The following SLC2A14 variants were observed in gnomAD, a reference collection of about 807,000 sequenced individuals.
The protein encoded by SLC2A14 is solute carrier family 2, facilitated glucose transporter member 14.
Under a neutral mutation model 43.0 loss-of-function variants are expected in SLC2A14, and 13 were observed. That is an observed-to-expected ratio of 0.30 (90% CI 0.20 to 0.48). The LOEUF (loss-of-function observed/expected upper bound fraction) is 0.48. Ranked by LOEUF, SLC2A14 falls within the 20% of genes least tolerant of loss-of-function variation. The probability of loss-of-function intolerance (pLI) is 0.99; values close to 1 mark genes in which losing one functional copy is unlikely to be tolerated. For synonymous variants in SLC2A14, 190 were observed against 233.8 expected (o/e 0.81, Z 1.71); for missense variants, 428 against 620.4 (o/e 0.69, Z 3.29).
intron 1 of SLC2A14, among the ~76,000 whole-genome samples, chr12:7,888,922 C>T (rs1303896707): frequency 6.6e-6 from 1 of 152,044 alleles, no homozygotes; most frequent in Non-Finnish European, 1.5e-5. Context: ...GGTCTCTGGA[C>T]TCTAATTTCC....
chr12:7,834,687 C>T (rs773416069), intron 2 of SLC2A14, among the ~76,000 whole-genome samples: 1 of 151,156 alleles, frequency 6.6e-6, no homozygotes, highest in African/African-American at 2.4e-5. Context: ...AGCTATGCAG[C>T]CTGGGCAACA....
intron 2 of SLC2A14, among the ~76,000 whole-genome samples, chr12:7,841,521 A>G (rs1328649099): frequency 1.3e-5 from 2 of 152,170 alleles, no homozygotes; most frequent in Non-Finnish European, 2.9e-5. Flanking sequence ...TTGGCCTTCC[A>G]AAGTGCTAGG....
intron 2 of SLC2A14, among the ~76,000 whole-genome samples, chr12:7,848,609 G>A (rs768572454): frequency 2.7e-5 from 4 of 150,764 alleles, no homozygotes; most frequent in Admixed American, 6.6e-5. Flanking sequence ...AGGCTGGAGT[G>A]CAATGGCGCA....
intron 2 of SLC2A14, among the ~76,000 whole-genome samples, chr12:7,837,123 C>T (rs761727153): frequency 5.3e-5 from 8 of 149,934 alleles, no homozygotes; most frequent in Non-Finnish European, 1.0e-4. Flanking sequence ...GCCAAAATCA[C>T]GCCACTGCAC....
chr12:7,876,262 C>T (rs1464561788), upstream of SLC2A14, among the ~76,000 whole-genome samples: 1 of 104,352 alleles, frequency 9.6e-6, no homozygotes, highest in African/African-American at 3.8e-5. Flanking sequence ...GCCTGGGTGA[C>T]AGAGCAAAAC....
chr12:7,840,482 C>T (rs1417515216), intron 2 of SLC2A14, among the ~76,000 whole-genome samples: 4 of 152,020 alleles, frequency 2.6e-5, no homozygotes, highest in African/African-American at 9.7e-5. Context: ...TGGGTTCAAG[C>T]GATTCTCCTG....
intron 2 of SLC2A14, among the ~76,000 whole-genome samples, chr12:7,835,502 T>C (rs1865376593): frequency 6.6e-6 from 1 of 152,246 alleles, no homozygotes; most frequent in South Asian, 2.1e-4. Flanking sequence ...ATCTGCAGAA[T>C]GTAAATTTCA....
chr12:7,844,542 C>T, intron 2 of SLC2A14, among the ~76,000 whole-genome samples: 1 of 107,390 alleles, frequency 9.3e-6, no homozygotes, highest in East Asian at 2.5e-4. Flanking sequence ...ATAGTAAACT[C>T]CTTTTTTTTT....
intron 7 of SLC2A14, among the ~76,000 whole-genome samples, chr12:7,826,834 T>TTCCTTCC (rs1864398710): frequency 2.0e-4 from 6 of 29,566 alleles, no homozygotes; most frequent in South Asian, 1.5e-3. Flanking sequence ...TCTTTCTTTC[T>TTCCTTCC]TTCCTTCCTT....
In SLC2A14 at chr12:7,813,058, T is replaced by G. The variant is rs1057056365; in HGVS notation, c.*1258A>C. On this transcript the variant is annotated 3_prime_UTR_variant, in exon 11 of 11. Transcript: ENST00000431042. ...GACCACAGTGACATGGTAACAGACA[T>G]ACGCAAGCGTGCCGTGAGCCTAAAG... 1.3e-5 allele frequency: 2 copies of G among 151,602 alleles called. No individual in the cohort carries two copies. The highest frequency in any genetic ancestry group is 2.9e-5 in the Non-Finnish European group (2 of 67,946). 9.4% of individuals were successfully genotyped at this position (151,602 alleles called of 1,614,324 possible).
chr12:7,871,919 C>T, intron 1 of SLC2A14: 4 of 984,424 alleles, frequency 4.1e-6, no homozygotes, highest in Non-Finnish European at 4.8e-6. Context: ...AGCCATCTGT[C>T]CCAGGGGAGG....
At chr12:7,873,167 A>T, upstream of SLC2A14, 1 of 985,400 alleles carries the variant, frequency 1.0e-6, no homozygotes, top group African/African-American at 1.7e-5. Context: ...GGGCGGGGGA[A>T]CTCTTTACGG....
intron 10 of SLC2A14, among the ~76,000 whole-genome samples, chr12:7,815,231 CA>C (rs1437701029): frequency 6.6e-6 from 1 of 151,406 alleles, no homozygotes; most frequent in East Asian, 2.0e-4. Context: ...GCCAACATGG[CA>C]AAACCCCGTC....
intron 1 of SLC2A14, among the ~76,000 whole-genome samples, chr12:7,882,833 C>A (rs1477564966): frequency 6.6e-6 from 1 of 151,020 alleles, no homozygotes; most frequent in East Asian, 1.9e-4. Flanking sequence ...GAGGCTGTCT[C>A]AAAAAAATTT....
intron 2 of SLC2A14, among the ~76,000 whole-genome samples, chr12:7,849,015 G>A (rs1017938462): frequency 4.0e-5 from 6 of 151,718 alleles, no homozygotes; most frequent in East Asian, 3.9e-4. Context: ...CACCTCGCCC[G>A]GCTAATTTTT....
chr12:7,837,144 G>C (rs1472993969), intron 2 of SLC2A14, among the ~76,000 whole-genome samples: 1 of 151,148 alleles, frequency 6.6e-6, no homozygotes, highest in Non-Finnish European at 1.5e-5. Context: ...TCCACCCTGG[G>C]TGACAGAGTG....
chr12:7,873,399 T>C, upstream of SLC2A14: 2 of 979,928 alleles, frequency 2.0e-6, no homozygotes, highest in Non-Finnish European at 2.4e-6. Flanking sequence ...CCTAGCACTT[T>C]TGGAGGCCGA....
intron 2 of SLC2A14, among the ~76,000 whole-genome samples, chr12:7,838,559 G>T (rs1026095650): frequency 7.9e-5 from 12 of 152,024 alleles, no homozygotes; most frequent in Non-Finnish European, 1.5e-4. Context: ...TGGTTTCCCA[G>T]GCTCAGTTTG....
intron 1 of SLC2A14, among the ~76,000 whole-genome samples, chr12:7,885,630 ATTCT>A (rs1348520541): frequency 6.6e-6 from 1 of 151,712 alleles, no homozygotes; most frequent in East Asian, 1.9e-4. Flanking sequence ...AAAATCAGAG[ATTCT>A]TTCAAGCTCT....
Sources: gnomAD v4.1 joint callset for allele counts (sites outside exome capture counted in the v4.1 genomes callset) on GRCh38, gnomAD v4.1.1 for gene constraint, MANE v1.5 for transcripts, NCBI Gene and HGNC (gene_info 2026-07-23, HGNC 2026-07-21) for gene names.